Variants in PPP3CC observed in about 807,000 individuals in gnomAD.
PPP3CC encodes protein phosphatase 3 catalytic subunit gamma.
In PPP3CC, 35 loss-of-function variants were observed where a neutral mutation model predicts 60.3. The ratio of observed to expected loss-of-function variants is 0.58; its 90% CI spans 0.44 to 0.77. The LOEUF (loss-of-function observed/expected upper bound fraction) is 0.77. Among genes scored for constraint, PPP3CC ranks in the 30% least tolerant of loss-of-function variants. The probability of loss-of-function intolerance (pLI) is 0.00; values close to 1 mark genes in which losing one functional copy is unlikely to be tolerated. For missense variants in PPP3CC, 570 were observed against 628.9 expected (o/e 0.91, Z 1.00); for synonymous variants, 206 against 224.3 (o/e 0.92, Z 0.73).
intron 1 of PPP3CC, among the ~76,000 whole-genome samples, 176 bp downstream of exon 1, chr8:22,441,634 C>G (rs563935987): frequency 6.6e-6 from 1 of 152,206 alleles, no homozygotes; most frequent in African/African-American, 2.4e-5. Flanking sequence ...CCGGCGTTTT[C>G]TGCTGCACCT....
intron 8 of PPP3CC, among the ~76,000 whole-genome samples, chr8:22,524,679 C>G (rs1361911532): frequency 6.6e-6 from 1 of 152,132 alleles, no homozygotes; most frequent in Non-Finnish European, 1.5e-5. Context: ...TTCTCACTTT[C>G]TTTTTTAACT....
chr8:22,487,007 G>A (rs376261515), intron 3 of PPP3CC, among the ~76,000 whole-genome samples: 13 of 152,214 alleles, frequency 8.5e-5, no homozygotes, highest in African/African-American at 3.1e-4. Context: ...TGGGATTACA[G>A]GCATGAGCCA....
chr8:22,475,186 T>C, intron 2 of PPP3CC, 35 bp downstream of exon 2: 1 of 1,554,398 alleles, frequency 6.4e-7, no homozygotes, highest in Non-Finnish European at 8.8e-7. Context: ...TTTTTTACAG[T>C]ATAGATTTGC....
intron 4 of PPP3CC, among the ~76,000 whole-genome samples, chr8:22,507,873 C>G (rs1838971971): frequency 6.6e-6 from 1 of 152,148 alleles, no homozygotes; most frequent in Non-Finnish European, 1.5e-5. Context: ...GTTCCAGACT[C>G]CATTCTCTTC....
chr8:22,498,937 A>G (rs1476446796), intron 4 of PPP3CC, among the ~76,000 whole-genome samples: 3 of 151,376 alleles, frequency 2.0e-5, no homozygotes, highest in African/African-American at 7.3e-5. Context: ...AGCCTGGCCA[A>G]CATGATGAAA....
chr8:22,498,467 G>A (rs1838656349), intron 4 of PPP3CC, among the ~76,000 whole-genome samples: 1 of 151,944 alleles, frequency 6.6e-6, no homozygotes, highest in South Asian at 2.1e-4. Context: ...AAATAAAAGT[G>A]TCCATAATCA....
At chr8:22,456,581 G>C (rs535561626) in intron 1 of PPP3CC, among the ~76,000 whole-genome samples, 4 of 152,242 alleles carry the variant, frequency 2.6e-5, no homozygotes, top group African/African-American at 9.6e-5. Context: ...CATTGGTACA[G>C]TCCATAGAGC....
At chr8:22,490,630 G>C (rs1838375616) in intron 3 of PPP3CC, among the ~76,000 whole-genome samples, 1 of 125,322 alleles carries the variant, frequency 8.0e-6, no homozygotes, top group South Asian at 2.5e-4. Context: ...AGGCCCCAGA[G>C]TGTGATGTTC....
chr8:22,490,102 C>T (rs192336864), intron 3 of PPP3CC, among the ~76,000 whole-genome samples: 290 of 152,018 alleles, frequency 1.9e-3, no homozygotes, highest in African/African-American at 6.5e-3. Flanking sequence ...GGATTATAGG[C>T]GTGAGCTGCC....
chr8:22,540,115 G>A (rs565743306), intron 13 of PPP3CC, among the ~76,000 whole-genome samples: 3 of 152,326 alleles, frequency 2.0e-5, no homozygotes, highest in Admixed American at 6.5e-5. Context: ...TTTAACTTAT[G>A]TACAGCTCCT....
At chr8:22,531,335 G>T (rs117515533) in intron 10 of PPP3CC, 3 of 1,528,542 alleles carry the variant, frequency 2.0e-6, no homozygotes, top group Non-Finnish European at 2.6e-6. Context: ...AAAGGTATCC[G>T]ACTAAACTGT....
chr8:22,537,870 C>T (rs758505875), intron 12 of PPP3CC, among the ~76,000 whole-genome samples: 2 of 152,072 alleles, frequency 1.3e-5, no homozygotes, highest in East Asian at 1.9e-4. Context: ...AAAGTAGATT[C>T]GTGTTCAACC....
At chr8:22,486,098 C>T (rs1042711471) in intron 3 of PPP3CC, among the ~76,000 whole-genome samples, 1 of 152,100 alleles carries the variant, frequency 6.6e-6, no homozygotes, top group Admixed American at 6.6e-5. Flanking sequence ...CAGGAATAAC[C>T]CAGTTCATAT....
chr8:22,470,934 A>C (rs1443761756), intron 1 of PPP3CC, among the ~76,000 whole-genome samples: 1 of 152,258 alleles, frequency 6.6e-6, no homozygotes, highest in Non-Finnish European at 1.5e-5. Context: ...ACCAAAGCAC[A>C]CATAGAATTA....
intron 13 of PPP3CC, among the ~76,000 whole-genome samples, chr8:22,540,386 T>C (rs1277174045): frequency 6.6e-6 from 1 of 152,240 alleles, no homozygotes; most frequent in East Asian, 1.9e-4. Flanking sequence ...AGAGCTTTTA[T>C]GAAAATTACT....
At chr8:22,537,631 A>C (rs1406965556) in intron 12 of PPP3CC, among the ~76,000 whole-genome samples, 1 of 152,260 alleles carries the variant, frequency 6.6e-6, no homozygotes, top group Non-Finnish European at 1.5e-5. Flanking sequence ...GGCATTCAAC[A>C]TAATAGCCAA....
chr8:22,494,970 C>A (rs1221918439), intron 3 of PPP3CC, among the ~76,000 whole-genome samples: 1 of 152,126 alleles, frequency 6.6e-6, no homozygotes, highest in Admixed American at 6.6e-5. Context: ...AGACAAGAGT[C>A]TCACTCCGTC....
intron 3 of PPP3CC, among the ~76,000 whole-genome samples, chr8:22,496,315 A>G (rs1371345565): frequency 6.6e-6 from 1 of 151,586 alleles, no homozygotes; most frequent in Non-Finnish European, 1.5e-5. Flanking sequence ...TCTGGTAGGG[A>G]TAGTCTGCCC....
At chr8:22,520,498 T>C (rs1184221674) in intron 6 of PPP3CC, among the ~76,000 whole-genome samples, 1 of 152,162 alleles carries the variant, frequency 6.6e-6, no homozygotes, top group African/African-American at 2.4e-5. Context: ...CCACATTCTT[T>C]TTTATTCTTT....
Sources: gnomAD v4.1 joint callset for allele counts (sites outside exome capture counted in the v4.1 genomes callset) on GRCh38, gnomAD v4.1.1 for gene constraint, MANE v1.5 for transcripts, NCBI Gene and HGNC (gene_info 2026-07-23, HGNC 2026-07-21) for gene names.